Variants in SBF2 observed in about 807,000 individuals in gnomAD.
SBF2 encodes myotubularin-related protein 13.
A neutral mutation model predicts 225.2 loss-of-function variants in SBF2; 112 were observed. That is an observed-to-expected ratio of 0.50 (90% CI 0.43 to 0.58). The LOEUF (loss-of-function observed/expected upper bound fraction) is 0.58. SBF2 is among the 20% of genes least tolerant of loss of function. The probability of loss-of-function intolerance (pLI) is 0.00; values close to 1 mark genes in which losing one functional copy is unlikely to be tolerated. For synonymous variants in SBF2, 763 were observed against 773.3 expected, an observed-to-expected ratio of 0.99 and a Z score of 0.22; for missense variants, 1,996 against 2,206.2, an observed-to-expected ratio of 0.90 and a Z score of 1.91.
chr11:10,173,957 G>T (rs1320711252), intron 2 of SBF2, among the ~76,000 whole-genome samples: 2 of 151,972 alleles, frequency 1.3e-5, no homozygotes, highest in African/African-American at 4.8e-5. Context: ...GGTCCTGTCT[G>T]TTAGAAGGAA....
At chr11:10,189,079 C>T (rs1031235570) in intron 2 of SBF2, among the ~76,000 whole-genome samples, 1 of 152,224 alleles carries the variant, frequency 6.6e-6, no homozygotes, top group Non-Finnish European at 1.5e-5. Flanking sequence ...ATTCCATCTA[C>T]AGTATCTACC....
Position 9,808,901 on chromosome 11 carries a change from T to G in SBF2, c.4257A>C (p.Gln1419His). The change falls in exon 31 of 40, where the codon CAA (glutamine) becomes CAC (histidine). Residue 1419 changes from glutamine to histidine, a missense_variant and splice_region_variant. Transcript: ENST00000256190. ...TCAAAAAATATGTCTAATAGTTTAC[T>G]TGTGCAGTGATGTCCCAGCCTTCCT... ...CLEEGWDITA[Q>H]VTSLVQLLSD... The G allele has an allele frequency of 6.2e-7, 1 of 1,602,554 alleles. No homozygotes were observed. Among genetic ancestry groups the G allele is most frequent in the Non-Finnish European group, 8.6e-7 (1 of 1,169,530 alleles).
At chr11:9,949,687 A>G (rs570556139) in intron 16 of SBF2, among the ~76,000 whole-genome samples, 1 of 152,196 alleles carries the variant, frequency 6.6e-6, no homozygotes, top group African/African-American at 2.4e-5. Flanking sequence ...AGAGTTCTGC[A>G]TTTACATTCA....
chr11:10,235,263 G>A (rs912278821), intron 1 of SBF2, among the ~76,000 whole-genome samples: 7 of 152,106 alleles, frequency 4.6e-5, no homozygotes, highest in East Asian at 1.9e-4. Flanking sequence ...GGCCAGGCAC[G>A]GTGGCTCACG....
intron 16 of SBF2, among the ~76,000 whole-genome samples, chr11:9,901,801 C>A (rs142215842): frequency 2.6e-5 from 4 of 152,112 alleles, no homozygotes; most frequent in Non-Finnish European, 5.9e-5. Flanking sequence ...TGTGCTACCA[C>A]GCCCAGGTAA....
At chr11:10,265,822 T>C (rs566070179) in intron 1 of SBF2, among the ~76,000 whole-genome samples, 1 of 152,076 alleles carries the variant, frequency 6.6e-6, no homozygotes, top group African/African-American at 2.4e-5. Context: ...CTCAAGTAGA[T>C]GGGATCACAG....
At chr11:10,274,930 A>AC (rs1281683280) in intron 1 of SBF2, among the ~76,000 whole-genome samples, 1 of 152,222 alleles carries the variant, frequency 6.6e-6, no homozygotes. Flanking sequence ...TAGCACAGGC[A>AC]CGTCAGTGGA....
intron 2 of SBF2, among the ~76,000 whole-genome samples, chr11:10,043,219 C>T (rs554481609): frequency 1.3e-5 from 2 of 152,202 alleles, no homozygotes; most frequent in East Asian, 1.9e-4. Context: ...ACTCTGGGTG[C>T]CATTTCTGAG....
intron 1 of SBF2, among the ~76,000 whole-genome samples, chr11:10,262,216 T>G (rs1961513247): frequency 6.6e-6 from 1 of 152,114 alleles, no homozygotes; most frequent in Admixed American, 6.6e-5. Context: ...AAAGATAGAT[T>G]AGTGGATGAT....
At chr11:10,175,898 G>A (rs1369596758) in intron 2 of SBF2, among the ~76,000 whole-genome samples, 2 of 151,756 alleles carry the variant, frequency 1.3e-5, no homozygotes, top group South Asian at 2.1e-4. Context: ...TGAACAACCG[G>A]CTCCTGAATG....
chr11:10,205,902 G>A (rs1036997794), intron 1 of SBF2, among the ~76,000 whole-genome samples: 1 of 151,784 alleles, frequency 6.6e-6, no homozygotes, highest in African/African-American at 2.4e-5. Flanking sequence ...AAGTAACCTC[G>A]GCAGACATTT....
chr11:10,196,030 G>A (rs1422418672), intron 1 of SBF2, among the ~76,000 whole-genome samples: 1 of 152,034 alleles, frequency 6.6e-6, no homozygotes. Flanking sequence ...AATCAATTCG[G>A]GGAAACAAAC....
intron 2 of SBF2, among the ~76,000 whole-genome samples, chr11:10,174,392 A>G (rs1487363595): frequency 6.6e-6 from 1 of 152,270 alleles, no homozygotes. Flanking sequence ...GACGCGATCA[A>G]CTGGAAGAAA....
intron 17 of SBF2, among the ~76,000 whole-genome samples, chr11:9,879,858 C>A (rs746288751): frequency 6.6e-6 from 1 of 151,858 alleles, no homozygotes; most frequent in Non-Finnish European, 1.5e-5. Flanking sequence ...CCAAGATGGG[C>A]GGATCACTTG....
At chr11:10,008,948 C>A (rs72857193) in intron 6 of SBF2, among the ~76,000 whole-genome samples, 3 of 152,286 alleles carry the variant, frequency 2.0e-5, no homozygotes, top group South Asian at 2.1e-4. Context: ...GGGATAAATG[C>A]GGTGCACATA....
intron 1 of SBF2, among the ~76,000 whole-genome samples, chr11:10,269,595 C>T (rs1962299584): frequency 6.6e-6 from 1 of 152,172 alleles, no homozygotes; most frequent in Non-Finnish European, 1.5e-5. Context: ...CATGAAATAA[C>T]TCATTTAATC....
chr11:10,112,969 T>C (rs1182117648), intron 2 of SBF2, among the ~76,000 whole-genome samples: 1 of 152,200 alleles, frequency 6.6e-6, no homozygotes, highest in Non-Finnish European at 1.5e-5. Flanking sequence ...CTCTTGTATC[T>C]CATAGAGATC....
intron 2 of SBF2, among the ~76,000 whole-genome samples, chr11:10,121,508 G>A (rs1191326780): frequency 6.6e-6 from 1 of 152,196 alleles, no homozygotes; most frequent in Non-Finnish European, 1.5e-5. Context: ...AAGGAGGATG[G>A]GATAAAGCCT....
At position 9,808,405 on chromosome 11, in the gene SBF2, G is replaced by T. The variant is rs561813746; in HGVS notation, c.4258-220C>A. 25 of 587,780 alleles carry T rather than the reference G, an allele frequency of 4.3e-5. No individual in the cohort carries two copies. In the African/African-American group the frequency reaches 4.3e-4, roughly 10 times the overall value. The allele number at this position is 587,780 out of a possible 1,614,324, so 36.4% of individuals were successfully genotyped here. On this transcript the variant is annotated intron_variant, in intron 31 of 39. Transcript: ENST00000256190. ...TTTTGGCTACAAGTTTACTTTCAGG[G>T]AATTGAGACTTTAATCCTTAACTGG...
Sources: allele counts gnomAD v4.1 joint callset (sites outside exome capture counted in the v4.1 genomes callset), GRCh38; gene constraint gnomAD v4.1.1; transcripts MANE v1.5; gene names NCBI Gene and HGNC (gene_info 2026-07-23, HGNC 2026-07-21).